Variants in DCDC1 observed in about 807,000 individuals in gnomAD.
The protein encoded by DCDC1 is doublecortin domain containing 1.
A neutral mutation model predicts 178.3 loss-of-function variants in DCDC1; 200 were observed. The ratio of observed to expected loss-of-function variants is 1.12; its 90% CI spans 1.00 to 1.26. The LOEUF (loss-of-function observed/expected upper bound fraction) is 1.26. Ranked by LOEUF, DCDC1 falls within the 50% of genes most tolerant of loss-of-function variation. The pLI, the probability that DCDC1 is intolerant of heterozygous loss-of-function variation, is 0.00. For missense variants in DCDC1, 1,983 were observed against 1,749.2 expected (o/e 1.13, Z -2.38); for synonymous variants, 690 against 604.8 (o/e 1.14, Z -2.07).
At chr11:31,016,077 G>A (rs912160283) in intron 20 of DCDC1, among the ~76,000 whole-genome samples, 2 of 152,182 alleles carry the variant, frequency 1.3e-5, no homozygotes, top group African/African-American at 4.8e-5. Flanking sequence ...GGTCCCATCT[G>A]TGTCACCTTT....
At chr11:30,877,907 A>G (rs886211533) in intron 38 of DCDC1, among the ~76,000 whole-genome samples, 1 of 152,136 alleles carries the variant, frequency 6.6e-6, no homozygotes, top group African/African-American at 2.4e-5. Context: ...CCATATATGG[A>G]ATATATTTTC....
At chr11:31,255,567 C>T (rs1417803944) in intron 8 of DCDC1, among the ~76,000 whole-genome samples, 1 of 152,072 alleles carries the variant, frequency 6.6e-6, no homozygotes. Flanking sequence ...ACTTGCATTT[C>T]CCTAATGATT....
intron 20 of DCDC1, among the ~76,000 whole-genome samples, chr11:30,965,834 G>C (rs914140251): frequency 7.6e-5 from 10 of 131,528 alleles, no homozygotes; most frequent in Non-Finnish European, 9.5e-5. Flanking sequence ...TCCCACCTAT[G>C]AGTGAGAATA....
chr11:30,915,598 G>A lies in DCDC1; in HGVS notation c.3566C>T (p.Pro1189Leu). 6.2e-7 allele frequency: 1 copy of A among 1,613,848 alleles called. No individual in the cohort carries two copies. Among genetic ancestry groups the A allele is most frequent in the Non-Finnish European group, 8.5e-7 (1 of 1,179,854 alleles). Reference sequence around the variant, plus strand: ...CACCTCCATGCCTGATCGGAGATTGGGACCTTGAACCCCCAAGACTAGCTG... The same window carrying A: ...CACCTCCATGCCTGATCGGAGATTGAGACCTTGAACCCCCAAGACTAGCTG... ...APQLVLGVQG[P>L]NLRSGMEVVL... The change falls in exon 27 of 39, where the codon CCC becomes CTC. Residue 1189 changes from proline (P) to leucine (L), a missense_variant. Transcript: ENST00000684477.
At chr11:31,198,269 A>G (rs1191545606) in intron 9 of DCDC1, among the ~76,000 whole-genome samples, 1 of 152,064 alleles carries the variant, frequency 6.6e-6, no homozygotes, top group Non-Finnish European at 1.5e-5. Flanking sequence ...CATTGCCTCA[A>G]TGGTAGATCC....
At chr11:31,162,647 T>G (rs1966413568) in intron 9 of DCDC1, among the ~76,000 whole-genome samples, 1 of 152,112 alleles carries the variant, frequency 6.6e-6, no homozygotes, top group Admixed American at 6.6e-5. Context: ...GACGATGGTG[T>G]GTGTATTGGG....
At chr11:31,256,694 T>C (rs1195108588) in intron 8 of DCDC1, among the ~76,000 whole-genome samples, 1 of 152,206 alleles carries the variant, frequency 6.6e-6, no homozygotes, top group African/African-American at 2.4e-5. Flanking sequence ...TACAGCTTTG[T>C]AGTTGTATTT....
intron 7 of DCDC1, chr11:31,280,702 C>G (rs1946361239): frequency 1.8e-6 from 1 of 564,168 alleles, no homozygotes; most frequent in Admixed American, 2.1e-5. Context: ...GACAAGCTAA[C>G]AAGTCTGCCC....
intron 9 of DCDC1, among the ~76,000 whole-genome samples, chr11:31,226,719 A>T (rs1975011928): frequency 6.6e-6 from 1 of 151,694 alleles, no homozygotes; most frequent in African/African-American, 2.4e-5. Flanking sequence ...AAAAAAAAAA[A>T]AAAAAGAAAG....
chr11:31,094,859 A>T (rs1168678502), intron 15 of DCDC1, among the ~76,000 whole-genome samples: 1 of 152,054 alleles, frequency 6.6e-6, no homozygotes, highest in Non-Finnish European at 1.5e-5. Context: ...TTTGTTACAT[A>T]GGTATACACG....
At chr11:31,288,945 T>C (rs1197127599) in intron 7 of DCDC1, among the ~76,000 whole-genome samples, 3 of 151,920 alleles carry the variant, frequency 2.0e-5, no homozygotes, top group Non-Finnish European at 4.4e-5. Context: ...TTAAATGTGA[T>C]ACTGAGGCAA....
chr11:31,277,694 A>G (rs1049382986), intron 7 of DCDC1, among the ~76,000 whole-genome samples: 12 of 152,082 alleles, frequency 7.9e-5, no homozygotes, highest in Admixed American at 7.2e-4. Flanking sequence ...TTCATGTGCT[A>G]ATGGTTGATT....
chr11:31,201,543 A>G (rs796619049), intron 9 of DCDC1, among the ~76,000 whole-genome samples: 16 of 152,160 alleles, frequency 1.1e-4, no homozygotes, highest in African/African-American at 3.8e-4. Flanking sequence ...GTCTCTTGAC[A>G]TGTGTCATTT....
At chr11:31,360,930 A>G (rs1951679180) in intron 1 of DCDC1, among the ~76,000 whole-genome samples, 1 of 152,230 alleles carries the variant, frequency 6.6e-6, no homozygotes, top group South Asian at 2.1e-4. Flanking sequence ...TCAGATATGG[A>G]GAGTAATTAA....
intron 9 of DCDC1, among the ~76,000 whole-genome samples, chr11:31,177,276 A>G (rs552306266): frequency 3.3e-5 from 5 of 152,264 alleles, no homozygotes; most frequent in African/African-American, 1.2e-4. Context: ...ATAATGACAA[A>G]GAAAGAAAGT....
chr11:30,994,991 G>GT (rs1951180739), intron 20 of DCDC1, among the ~76,000 whole-genome samples: 1 of 150,970 alleles, frequency 6.6e-6, no homozygotes, highest in African/African-American at 2.4e-5. Flanking sequence ...AAATATAAGA[G>GT]TCCTGATTCA....
At chr11:31,213,101 CTCTCTCT>C (rs1972861934) in intron 9 of DCDC1, among the ~76,000 whole-genome samples, 3 of 10,764 alleles carry the variant, frequency 2.8e-4, no homozygotes, top group Non-Finnish European at 8.8e-4. Flanking sequence ...AAAGCCCAGC[CTCTCTCT>C]CTCTCTCTCT....
chr11:31,051,824 G>A (rs538042913), intron 20 of DCDC1, among the ~76,000 whole-genome samples: 1 of 152,104 alleles, frequency 6.6e-6, no homozygotes, highest in African/African-American at 2.4e-5. Flanking sequence ...GCTAAAAGGA[G>A]CTCTAAATCT....
intron 17 of DCDC1, among the ~76,000 whole-genome samples, chr11:31,083,173 T>TA (rs374512185): frequency 5.3e-5 from 8 of 151,898 alleles, no homozygotes; most frequent in African/African-American, 1.7e-4. Flanking sequence ...TAAATGGCAA[T>TA]AAAAAAAATG....
Sources: allele counts gnomAD v4.1 joint callset (sites outside exome capture counted in the v4.1 genomes callset), GRCh38; gene constraint gnomAD v4.1.1; transcripts MANE v1.5; gene names NCBI Gene and HGNC (gene_info 2026-07-23, HGNC 2026-07-21).